Variants in CDK18 observed in about 807,000 individuals in gnomAD.
CDK18 encodes cyclin dependent kinase 18.
CDK18 carries 52 observed loss-of-function variants against 62.0 expected under a neutral mutation model. That is an observed-to-expected ratio of 0.84 (90% CI 0.67 to 1.06). The LOEUF (loss-of-function observed/expected upper bound fraction) is 1.06, where lower values mean the gene tolerates loss of function less well. CDK18 is among the 50% of genes least tolerant of loss of function. The pLI, the probability that CDK18 is intolerant of heterozygous loss-of-function variation, is 0.00. For missense variants in CDK18, 604 were observed against 619.9 expected, an observed-to-expected ratio of 0.97 and a Z score of 0.27; for synonymous variants, 237 against 247.0, an observed-to-expected ratio of 0.96 and a Z score of 0.38.
At chr1:205,511,121 C>T (rs1237702358) in intron 1 of CDK18, among the ~76,000 whole-genome samples, 3 of 152,194 alleles carry the variant, frequency 2.0e-5, no homozygotes, top group African/African-American at 4.8e-5. Flanking sequence ...GGCCAAGTCC[C>T]GACAGTTTTT....
chr1:205,530,557 C>A, intron 14 of CDK18, 71 bp from the exon 15 acceptor site: 1 of 1,427,340 alleles, frequency 7.0e-7, no homozygotes, highest in Non-Finnish European at 9.8e-7. Flanking sequence ...TCAGTTGGTC[C>A]TTCTGGGCCA....
chr1:205,530,018 G>A, intron 13 of CDK18: 1 of 1,410,602 alleles, frequency 7.1e-7, no homozygotes, highest in Non-Finnish European at 9.2e-7. Flanking sequence ...CCAAGAGAAG[G>A]TCACTCTCCT....
Position 205,531,742 on chromosome 1 carries a change from G to A in CDK18, c.*364G>A. On this transcript the variant is annotated 3_prime_UTR_variant, in exon 16 of 16. Coordinates refer to ENST00000429964, the MANE Select transcript of CDK18 (RefSeq NM_212502.3). ...GGCGCCAGGATGGGCACTCTGCCCTGGATACAGGCTCTACCCTCCTCCCCC... is the reference window on the plus strand; with the variant it reads ...GGCGCCAGGATGGGCACTCTGCCCTAGATACAGGCTCTACCCTCCTCCCCC... 1 of 295,650 alleles carries A rather than the reference G, an allele frequency of 3.4e-6. No homozygotes were observed. The highest frequency in any genetic ancestry group is 6.5e-6 in the Non-Finnish European group (1 of 153,190). The allele number at this position is 295,650 out of a possible 1,614,324, so 18.3% of individuals were successfully genotyped here. A position where few individuals can be genotyped will look rare whatever the true frequency, so the allele number is the denominator to read the frequency against.
rs749850106 is a variant in CDK18 at position 205,523,576 on chromosome 1, CT to C, written c.225del (p.Gly76AlafsTer70). The C allele has an allele frequency of 4.4e-6, 7 of 1,598,236 alleles. No individual in the cohort carries two copies. Among genetic ancestry groups the C allele is most frequent in the Non-Finnish European group, 6.0e-6 (7 of 1,172,896 alleles). On this transcript the variant is annotated frameshift_variant, in exon 3 of 16. Coordinates refer to ENST00000429964, the MANE Select transcript of CDK18 (RefSeq NM_212502.3). LOFTEE classifies it high-confidence loss of function. Reference sequence around the variant, plus strand: ...GGGGAGGAGCCGGGGCAGCTCTCCCCTGGCGTGCAGTTCCAGCGGCGGCAGA... The same window carrying C: ...GGGGAGGAGCCGGGGCAGCTCTCCCCGGCGTGCAGTTCCAGCGGCGGCAGA... ...DSGEEPGQLSPGVQFQRRQNQ... is the reference protein window; with the variant it reads ...DSGEEPGQLSXGVQFQRRQNQ...
At chr1:205,531,194 G>T in intron 15 of CDK18, 150 bp from the exon 16 acceptor site, 1 of 665,084 alleles carries the variant, frequency 1.5e-6, no homozygotes, top group South Asian at 1.9e-5. Context: ...GCAGAGATGG[G>T]ATTTGACACC....
At chr1:205,530,448 GC>G in intron 14 of CDK18, 99 bp downstream of exon 14, 1 of 1,369,338 alleles carries the variant, frequency 7.3e-7, no homozygotes, top group Non-Finnish European at 1.0e-6. Context: ...AGAGGCCCCA[GC>G]CCCAGCAGAG....
chr1:205,523,594 G>T lies in CDK18; in HGVS notation c.242G>T (p.Arg81Leu), dbSNP rs753515361. ...CTCTCCCCTGGCGTGCAGTTCCAGC[G>T]GCGGCAGAACCAGCGCCGCTTCTCC... is the stretch of plus-strand genomic sequence containing the variant. ...GQLSPGVQFQ[R>L]RQNQRRFSME... The change falls in exon 3 of 16, where the codon CGG becomes CTG. Residue 81 changes from arginine to leucine, a missense_variant. Arg to Leu is a moderately radical substitution (Grantham distance 102). Coordinates refer to ENST00000429964, the MANE Select transcript of CDK18 (RefSeq NM_212502.3). The T allele has an allele frequency of 2.5e-6, 4 of 1,585,068 alleles. No homozygotes were observed. In the East Asian group the frequency reaches 6.9e-5, roughly 27 times the overall value.
chr1:205,512,864 C>T (rs1158713252), intron 1 of CDK18, among the ~76,000 whole-genome samples: 1 of 152,128 alleles, frequency 6.6e-6, no homozygotes, highest in Non-Finnish European at 1.5e-5. Context: ...CCTCCTGAGA[C>T]TGAGAGGTCC....
Position 205,528,985 on chromosome 1 carries a change from CT to C in CDK18, c.975-12del, listed in dbSNP as rs1202201123. On this transcript the variant is annotated splice_polypyrimidine_tract_variant and intron_variant, in intron 10 of 15. Coordinates refer to ENST00000429964, the MANE Select transcript of CDK18 (RefSeq NM_212502.3). The surrounding 1 kb of genome is among the most constrained non-coding windows in gnomAD (Gnocchi z 4.2). Reference sequence around the variant, plus strand: ...CCCCTGCCTGATGCCGACCCTACCCCTTGCTCCTCGCAGGGGCGTGGGCTGC... The same window carrying C: ...CCCCTGCCTGATGCCGACCCTACCCCTGCTCCTCGCAGGGGCGTGGGCTGC... 1 of 1,555,816 alleles carries C rather than the reference CT, an allele frequency of 6.4e-7. No individual in the cohort carries two copies. Among genetic ancestry groups the C allele is most frequent in the Admixed American group, 1.9e-5 (1 of 52,448 alleles).
In CDK18 at chr1:205,528,763, T is replaced by C. The variant is rs1668571071; in HGVS notation, c.975-236T>C. ...AAACCTCACAGAGTGAAAGGGGACT[T>C]TCCTCACAGAGTGAAAGTCGCAGCT... On this transcript the variant is annotated intron_variant, in intron 10 of 15. Transcript: ENST00000429964. This position sits in a 1 kb window ranked among gnomAD's most constrained non-coding sequence, Gnocchi z 4.2. The C allele has an allele frequency of 2.2e-6, 1 of 463,738 alleles. No homozygotes were observed. Among genetic ancestry groups the C allele is most frequent in the East Asian group, 3.2e-5 (1 of 31,312 alleles). The allele number at this position is 463,738 out of a possible 1,614,324, so 28.7% of individuals were successfully genotyped here.
chr1:205,505,707 G>T (rs886290266), intron 1 of CDK18, among the ~76,000 whole-genome samples: 31 of 152,182 alleles, frequency 2.0e-4, no homozygotes, highest in African/African-American at 7.2e-4. Flanking sequence ...CCTTGTGCTG[G>T]GTGGGAGTTG....
chr1:205,523,019 C>A, intron 1 of CDK18, 128 bp from the exon 2 acceptor site: 1 of 1,027,642 alleles, frequency 9.7e-7, no homozygotes, highest in Non-Finnish European at 1.4e-6. Flanking sequence ...AAGACACAAC[C>A]CTGGCTCCCA....
At position 205,527,856 on chromosome 1, in the gene CDK18, G is replaced by A. The variant is rs1178129275; in HGVS notation, c.792G>A (p.Arg264=). 5 of 1,614,124 alleles carry A rather than the reference G, an allele frequency of 3.1e-6. No homozygotes were observed. Among genetic ancestry groups the A allele is most frequent in the Middle Eastern group, 1.6e-4 (1 of 6,062 alleles). The change falls in exon 9 of 16, where the codon CGG becomes CGA. Residue 264 remains arginine, a synonymous_variant. Coordinates refer to ENST00000429964, the MANE Select transcript of CDK18 (RefSeq NM_212502.3). The surrounding 1 kb of genome is among the most constrained non-coding windows in gnomAD (Gnocchi z 4.1). ...GTCACCACCGCAAGATCCTGCACCG[G>A]GACCTGAAGCCCCAGAACCTGCTCA... ...AYCHHRKILH[R]DLKPQNLLIN... is the part of the protein sequence containing the mutation.
chr1:205,507,061 G>A (rs10494870), intron 1 of CDK18, among the ~76,000 whole-genome samples: 51,390 of 152,078 alleles, frequency 0.34, 10,611 homozygotes, highest in East Asian at 0.57. Context: ...GCAGAGCCCG[G>A]CTTGACTCTT....
chr1:205,523,761 G>A, intron 3 of CDK18, 136 bp downstream of exon 3: 2 of 1,168,816 alleles, frequency 1.7e-6, no homozygotes, highest in Non-Finnish European at 2.4e-6. Context: ...CTGTGACTTT[G>A]AGCAAGTTAC....
At chr1:205,507,656 A>T (rs940914773) in intron 1 of CDK18, among the ~76,000 whole-genome samples, 4 of 151,670 alleles carry the variant, frequency 2.6e-5, no homozygotes, top group South Asian at 2.1e-4. Flanking sequence ...AAAAAAAAAA[A>T]AAAAAAATAA....
At position 205,523,199 on chromosome 1, in the gene CDK18, G is replaced by A. The variant is rs768429749; in HGVS notation, c.32G>A (p.Arg11His). 9 of 1,613,346 alleles carry A rather than the reference G, an allele frequency of 5.6e-6. No homozygotes were observed. Among genetic ancestry groups the A allele is most frequent in the South Asian group, 4.4e-5 (4 of 91,018 alleles). MIMNKMKNFK[R>H]RFSLSVPRTE... is the part of the protein sequence containing the mutation. The stretch of plus-strand genomic sequence containing the variant: ...ATGAACAAGATGAAGAACTTTAAGC[G>A]CCGTTTCTCCCTGTCAGTGCCCCGC... The change falls in exon 2 of 16, where the codon CGC (arginine) becomes CAC (histidine). Residue 11 changes from arginine (R) to histidine (H), a missense_variant. Coordinates refer to ENST00000429964, the MANE Select transcript of CDK18 (RefSeq NM_212502.3).
intron 11 of CDK18, 103 bp from the exon 12 acceptor site, chr1:205,529,221 G>T: frequency 1.5e-6 from 2 of 1,353,082 alleles, no homozygotes; most frequent in Non-Finnish European, 2.1e-6. Flanking sequence ...ACCCCCTGTG[G>T]CCTCGGCCAT....
At chr1:205,524,578 A>AGTGGGTCCCACG (rs1245129664) in intron 4 of CDK18, among the ~76,000 whole-genome samples, 5 of 152,236 alleles carry the variant, frequency 3.3e-5, no homozygotes, top group African/African-American at 1.2e-4. Context: ...CTAAGCCCAC[A>AGTGGGTCCCACG]GTGGGTCCCA....
Sources: gnomAD v4.1 joint callset for allele counts (sites outside exome capture counted in the v4.1 genomes callset) on GRCh38, gnomAD v4.1.1 for gene constraint, Gnocchi (gnomAD v3.1) non-coding constraint, MANE v1.5 for transcripts, NCBI Gene and HGNC (gene_info 2026-07-23, HGNC 2026-07-21) for gene names.